The following NTM variants were observed in gnomAD, a reference collection of about 807,000 sequenced individuals.
NTM encodes the protein IgLON family member 2.
Under a neutral mutation model 42.1 loss-of-function variants are expected in NTM, and 13 were observed. The ratio of observed to expected loss-of-function variants is 0.31; its 90% CI spans 0.20 to 0.49. The LOEUF is 0.49. Ranked by LOEUF, NTM falls within the 20% of genes least tolerant of loss-of-function variation. NTM has a pLI of 0.99. For synonymous variants in NTM, 187 were observed against 179.2 expected, an observed-to-expected ratio of 1.04 and a Z score of -0.35; for missense variants, 373 against 452.8, an observed-to-expected ratio of 0.82 and a Z score of 1.60.
At chr11:131,708,835 G>A (rs1019195115) in intron 1 of NTM, among the ~76,000 whole-genome samples, 1 of 152,054 alleles carries the variant, frequency 6.6e-6, no homozygotes, top group South Asian at 2.1e-4. Context: ...GAAGCATAAC[G>A]TAAACCCCCA....
chr11:131,811,332 C>T (rs1324503623), intron 1 of NTM, among the ~76,000 whole-genome samples: 1 of 152,150 alleles, frequency 6.6e-6, no homozygotes, highest in Non-Finnish European at 1.5e-5. Flanking sequence ...AAAGGCATAA[C>T]CCAGACCCAA....
In NTM at chr11:131,491,677, A is replaced by G. The variant is rs556437973; in HGVS notation, c.82+120789A>G. Among the ~76,000 whole-genome samples the G allele has an allele frequency of 3.9e-5, 6 of 152,246 alleles. No individual in the cohort carries two copies. In the South Asian group the frequency reaches 1.0e-3, roughly 26 times the overall value. On this transcript the variant is annotated intron_variant, in intron 1 of 8. Transcript: ENST00000683400. Reference sequence around the variant, plus strand: ...CATGAAGAAATCACGTTCAGTGTAAAATGACTCATCTGTGTTGCAATTCTG... The same window carrying G: ...CATGAAGAAATCACGTTCAGTGTAAGATGACTCATCTGTGTTGCAATTCTG...
At chr11:131,449,573 G>A (rs1950327200) in intron 1 of NTM, among the ~76,000 whole-genome samples, 1 of 152,190 alleles carries the variant, frequency 6.6e-6, no homozygotes, top group Non-Finnish European at 1.5e-5. Context: ...ACAGCCAGAT[G>A]GTGATTCCAG....
At chr11:132,078,490 A>G (rs956994910) in intron 2 of NTM, among the ~76,000 whole-genome samples, 2 of 152,198 alleles carry the variant, frequency 1.3e-5, no homozygotes, top group Non-Finnish European at 2.9e-5. Flanking sequence ...CAGCACACAA[A>G]TATCTTGCTA....
intron 2 of NTM, among the ~76,000 whole-genome samples, chr11:132,022,321 T>G (rs2074471606): frequency 6.6e-6 from 1 of 152,260 alleles, no homozygotes. Flanking sequence ...ATGCTCTGTT[T>G]TCTTGGACAG....
intron 2 of NTM, among the ~76,000 whole-genome samples, chr11:131,916,858 G>T (rs976986247): frequency 4.6e-5 from 7 of 152,118 alleles, no homozygotes; most frequent in Non-Finnish European, 1.0e-4. Context: ...GCTTATTCCA[G>T]CTGCAAAGCG....
At chr11:131,375,904 A>C (rs1020445886) in intron 1 of NTM, among the ~76,000 whole-genome samples, 11 of 151,746 alleles carry the variant, frequency 7.2e-5, no homozygotes, top group African/African-American at 2.4e-4. Flanking sequence ...TTTCCTTCCC[A>C]TTCTCTCTCC....
chr11:131,940,611 A>T (rs992303608), intron 2 of NTM, among the ~76,000 whole-genome samples: 2 of 152,248 alleles, frequency 1.3e-5, no homozygotes, highest in African/African-American at 4.8e-5. Flanking sequence ...TGATTGTCCC[A>T]AAGCGTTCAG....
intron 1 of NTM, among the ~76,000 whole-genome samples, chr11:131,649,244 G>A (rs2066161751): frequency 6.6e-6 from 1 of 152,182 alleles, no homozygotes; most frequent in African/African-American, 2.4e-5. Flanking sequence ...ATGGTAAACA[G>A]GGGATTTACT....
chr11:131,941,684 G>T (rs1328350574), intron 2 of NTM, among the ~76,000 whole-genome samples: 1 of 152,160 alleles, frequency 6.6e-6, no homozygotes, highest in Non-Finnish European at 1.5e-5. Context: ...GGAAGATTGG[G>T]ATAACCTTGT....
rs184107280 is a variant in NTM at position 132,320,509 on chromosome 11, C to A, written c.934+5806C>A. 5.3e-3 allele frequency among the ~76,000 whole-genome samples: 813 copies of A among 152,286 alleles called. 6 individuals carry two copies. The highest frequency in any genetic ancestry group is 0.019 in the African/African-American group (779 of 41,574). On this transcript the variant is annotated intron_variant, in intron 7 of 8. Transcript: ENST00000683400. The stretch of plus-strand genomic sequence containing the variant: ...CGCACCATGAGATTATATCCCCCAG[C>A]TGGCTCGGAGGGTCCTACCCCACGG...
intron 2 of NTM, among the ~76,000 whole-genome samples, chr11:132,077,227 G>T (rs577127249): frequency 6.6e-6 from 1 of 152,186 alleles, no homozygotes; most frequent in South Asian, 2.1e-4. Context: ...CTTGCATATT[G>T]GAAGCCTTAG....
intron 2 of NTM, among the ~76,000 whole-genome samples, chr11:132,052,025 C>A (rs373072935): frequency 4.6e-5 from 7 of 152,116 alleles, no homozygotes; most frequent in African/African-American, 1.7e-4. Context: ...ATTAAATTGG[C>A]AGTGGACATT....
chr11:131,643,234 C>T (rs2065353649), intron 1 of NTM, among the ~76,000 whole-genome samples: 1 of 152,186 alleles, frequency 6.6e-6, no homozygotes, highest in African/African-American at 2.4e-5. Context: ...AATGGCACAG[C>T]TCAGAGTGAG....
intron 1 of NTM, among the ~76,000 whole-genome samples, chr11:131,373,485 G>A (rs1313667941): frequency 6.6e-6 from 1 of 151,998 alleles, no homozygotes; most frequent in Non-Finnish European, 1.5e-5. Context: ...GGTAGGGAGG[G>A]GGGTTTCTGA....
At position 131,928,670 on chromosome 11, in the gene NTM, G is replaced by A. The variant is rs943617825; in HGVS notation, c.167+17022G>A. Among the ~76,000 whole-genome samples, 8 of 143,416 alleles carry A rather than the reference G, an allele frequency of 5.6e-5. No homozygotes were observed. The South Asian group carries it at 9.2e-4, about 17-fold the overall frequency. The allele number at this position is 143,416 out of a possible 152,430, so 94.1% of individuals were successfully genotyped here. A position where few individuals can be genotyped will look rare whatever the true frequency, so the allele number is the denominator to read the frequency against. On this transcript the variant is annotated intron_variant, in intron 2 of 8. Transcript: ENST00000683400. ...CTCTGTTTGTTTTCTGTGGTCTCCCGTCTGTGTTTTGTCCCACTGCAAACT... is the reference window on the plus strand; with the variant it reads ...CTCTGTTTGTTTTCTGTGGTCTCCCATCTGTGTTTTGTCCCACTGCAAACT...
intron 1 of NTM, among the ~76,000 whole-genome samples, chr11:131,667,686 G>A (rs2069323452): frequency 6.6e-6 from 1 of 152,194 alleles, no homozygotes. Flanking sequence ...GAATAGCCCA[G>A]GAGTGAAACG....
At chr11:131,783,713 G>A (rs935134468) in intron 1 of NTM, among the ~76,000 whole-genome samples, 1 of 152,094 alleles carries the variant, frequency 6.6e-6, no homozygotes, top group Non-Finnish European at 1.5e-5. Flanking sequence ...GAAAATATGT[G>A]TTGGCCTTGA....
chr11:131,691,601 C>T (rs1429976407), intron 1 of NTM, among the ~76,000 whole-genome samples: 2 of 151,682 alleles, frequency 1.3e-5, no homozygotes, highest in Non-Finnish European at 2.9e-5. Flanking sequence ...TGTTTTCTCT[C>T]CTCCTTCTCT....
Sources: allele counts gnomAD v4.1 joint callset (sites outside exome capture counted in the v4.1 genomes callset), GRCh38; gene constraint gnomAD v4.1.1; transcripts MANE v1.5; gene names NCBI Gene and HGNC (gene_info 2026-07-23, HGNC 2026-07-21).